Variants in CWF19L2 observed in about 807,000 individuals in gnomAD.
CWF19L2 encodes the protein CWF19-like protein 2.
In CWF19L2, 98 loss-of-function variants were observed where a neutral mutation model predicts 111.7. The observed-to-expected ratio is 0.88, with a 90% CI of 0.75 to 1.04. The LOEUF (loss-of-function observed/expected upper bound fraction) is 1.04. CWF19L2 is among the 50% of genes least tolerant of loss of function. The probability of loss-of-function intolerance (pLI) is 0.00; values close to 1 mark genes in which losing one functional copy is unlikely to be tolerated. For missense variants in CWF19L2, 1,101 were observed against 1,051.4 expected (o/e 1.05, Z -0.65); for synonymous variants, 351 against 342.9 (o/e 1.02, Z -0.26).
intron 16 of CWF19L2, among the ~76,000 whole-genome samples, chr11:107,332,045 T>G (rs927911478): frequency 6.6e-6 from 1 of 152,160 alleles, no homozygotes; most frequent in Non-Finnish European, 1.5e-5. Context: ...GGTAGAAAAA[T>G]AGACATATTT....
In CWF19L2 at chr11:107,390,202, G is replaced by A; in HGVS notation, c.1744C>T (p.His582Tyr). ...GRRKRQMVST[H>Y]EERERVRYFH... ...TATCTGACCCTTTCTCTTTCCTCAT[G>A]GGTTGAAACCTATGACAAAATGAAC... Residue 582 changes from histidine to tyrosine, a missense_variant, in exon 12 of 18, where the codon CAT becomes TAT. Transcript: ENST00000282251. 6.2e-7 allele frequency: 1 copy of A among 1,603,488 alleles called. No homozygotes were observed. Among genetic ancestry groups the A allele is most frequent in the Non-Finnish European group, 8.5e-7 (1 of 1,174,652 alleles).
intron 11 of CWF19L2, among the ~76,000 whole-genome samples, chr11:107,391,617 C>T (rs1860848424): frequency 6.6e-6 from 1 of 152,208 alleles, no homozygotes; most frequent in Admixed American, 6.5e-5. Flanking sequence ...TGGTTCCATA[C>T]CCAGGTGTGC....
Position 107,362,203 on chromosome 11 carries a change from C to T in CWF19L2, c.1873-8467G>A, listed in dbSNP as rs868249382. Among the ~76,000 whole-genome samples the T allele has an allele frequency of 8.0e-4, 37 of 46,266 alleles. No homozygotes were observed. In the African/African-American group the frequency reaches 8.1e-3, roughly 10 times the overall value. The allele number at this position is 46,266 out of a possible 152,430, so 30.4% of individuals were successfully genotyped here. ...CACGGAGTCTCGCTGATTGCTACCA[C>T]AGCAGCTGAGATCAAACTGCAAGGC... On this transcript the variant is annotated intron_variant, in intron 12 of 17. Coordinates refer to ENST00000282251, the MANE Select transcript of CWF19L2 (RefSeq NM_152434.3).
chr11:107,400,182 A>G (rs1860980305), intron 10 of CWF19L2, among the ~76,000 whole-genome samples: 1 of 152,034 alleles, frequency 6.6e-6, no homozygotes, highest in African/African-American at 2.4e-5. Flanking sequence ...AACAAACCAA[A>G]CCCAAACCCA....
At chr11:107,358,894 G>C (rs1033717964) in intron 12 of CWF19L2, among the ~76,000 whole-genome samples, 7 of 152,146 alleles carry the variant, frequency 4.6e-5, no homozygotes, top group African/African-American at 1.7e-4. Flanking sequence ...CATCATATTT[G>C]GCTGGATGGT....
At chr11:107,395,219 G>A (rs906917066) in intron 10 of CWF19L2, among the ~76,000 whole-genome samples, 5 of 152,096 alleles carry the variant, frequency 3.3e-5, no homozygotes, top group African/African-American at 9.7e-5. Flanking sequence ...TTAAAAACGG[G>A]AATTTCTCCA....
intron 10 of CWF19L2, chr11:107,403,571 T>G: frequency 1.3e-6 from 1 of 791,822 alleles, no homozygotes. Context: ...TTCACCATTC[T>G]GTTGACTCTC....
intron 8 of CWF19L2, among the ~76,000 whole-genome samples, chr11:107,420,580 C>T (rs569712529): frequency 1.3e-5 from 2 of 151,996 alleles, no homozygotes; most frequent in Admixed American, 6.6e-5. Context: ...TAGTCCCCCC[C>T]CTTATCTGCA....
At chr11:107,452,394 GA>G (rs1565291293) in intron 3 of CWF19L2, among the ~76,000 whole-genome samples, 1 of 150,032 alleles carries the variant, frequency 6.7e-6, no homozygotes, top group African/African-American at 2.4e-5. Context: ...AAACAAAATG[GA>G]AAAAAAATAA....
intron 4 of CWF19L2, among the ~76,000 whole-genome samples, chr11:107,442,430 C>A (rs1010600225): frequency 6.6e-6 from 1 of 151,942 alleles, no homozygotes; most frequent in Non-Finnish European, 1.5e-5. Context: ...GTCTCTAATT[C>A]TAGCACTTTG....
chr11:107,431,802 C>A (rs1193174173), intron 7 of CWF19L2, among the ~76,000 whole-genome samples: 1 of 151,970 alleles, frequency 6.6e-6, no homozygotes, highest in East Asian at 1.9e-4. Flanking sequence ...GGAACAGACC[C>A]ATGTATATGA....
At chr11:107,431,306 G>A (rs1195592804) in intron 7 of CWF19L2, among the ~76,000 whole-genome samples, 3 of 151,574 alleles carry the variant, frequency 2.0e-5, no homozygotes, top group Non-Finnish European at 2.9e-5. Flanking sequence ...AGAATTGGCC[G>A]ACCAGCACCA....
At position 107,455,701 on chromosome 11, in the gene CWF19L2, G is replaced by A; in HGVS notation, c.181C>T (p.Pro61Ser). The A allele has an allele frequency of 6.4e-7, 1 of 1,550,514 alleles. No individual in the cohort carries two copies. The highest frequency in any genetic ancestry group is 8.7e-7 in the Non-Finnish European group (1 of 1,146,256). The change falls in exon 2 of 18, where the codon CCT becomes TCT. Residue 61 changes from proline to serine, a missense_variant. By Grantham distance (74) the Pro-to-Ser change is moderately conservative. Coordinates refer to ENST00000282251, the MANE Select transcript of CWF19L2 (RefSeq NM_152434.3). Reference sequence around the variant, plus strand: ...TGTTCAATTCTCTCATTCACATCAGGTAGCATCCATGTATCCTCACCCCGA... The same window carrying A: ...TGTTCAATTCTCTCATTCACATCAGATAGCATCCATGTATCCTCACCCCGA... ...RLRGEDTWMLPDVNERIEQFS... is the reference protein window; with the variant it reads ...RLRGEDTWMLSDVNERIEQFS...
At chr11:107,360,045 A>C (rs1860300822) in intron 12 of CWF19L2, among the ~76,000 whole-genome samples, 5 of 152,238 alleles carry the variant, frequency 3.3e-5, no homozygotes, top group Admixed American at 3.3e-4. Context: ...GGGCATTTAA[A>C]GTATTCATCA....
At chr11:107,385,538 TG>T (rs1860752532) in intron 12 of CWF19L2, among the ~76,000 whole-genome samples, 1 of 152,192 alleles carries the variant, frequency 6.6e-6, no homozygotes, top group South Asian at 2.1e-4. Context: ...GGGAAAGTAA[TG>T]AAGATGCAAT....
intron 14 of CWF19L2, among the ~76,000 whole-genome samples, chr11:107,338,576 C>CCACA (rs1231981132): frequency 6.6e-6 from 1 of 152,090 alleles, no homozygotes; most frequent in East Asian, 1.9e-4. Context: ...CACCTCCCAC[C>CCACA]CACCGACAGG....
At chr11:107,418,975 C>G (rs1003235599) in intron 8 of CWF19L2, among the ~76,000 whole-genome samples, 1 of 152,138 alleles carries the variant, frequency 6.6e-6, no homozygotes, top group African/African-American at 2.4e-5. Context: ...GCCAGGAGTC[C>G]AAGAATTCCA....
At chr11:107,402,873 G>GTGTATATATATATATATATATATA (rs1247886311) in intron 10 of CWF19L2, among the ~76,000 whole-genome samples, 32 of 94,430 alleles carry the variant, frequency 3.4e-4, no homozygotes, top group African/African-American at 1.4e-3. Flanking sequence ...ACTGTGGTGT[G>GTGTATATATATATATATATATATA]TATATATATA....
At chr11:107,443,715 C>A (rs1313003492) in intron 3 of CWF19L2, among the ~76,000 whole-genome samples, 2 of 152,170 alleles carry the variant, frequency 1.3e-5, no homozygotes, top group Non-Finnish European at 1.5e-5. Context: ...GGAAACACCA[C>A]CCAGGTAAAC....
Sources: gnomAD v4.1 joint callset for allele counts (sites outside exome capture counted in the v4.1 genomes callset) on GRCh38, gnomAD v4.1.1 for gene constraint, MANE v1.5 for transcripts, NCBI Gene and HGNC (gene_info 2026-07-23, HGNC 2026-07-21) for gene names.